The following ADK variants were observed in gnomAD, a reference collection of about 807,000 sequenced individuals.
The protein encoded by ADK is adenosine kinase.
Under a neutral mutation model 44.7 loss-of-function variants are expected in ADK, and 24 were observed. That is an observed-to-expected ratio of 0.54 (90% CI 0.39 to 0.76). The LOEUF is 0.76. Ranked by LOEUF, ADK falls within the 30% of genes least tolerant of loss-of-function variation. The pLI is 0.00. For synonymous variants in ADK, 128 were observed against 142.6 expected (o/e 0.90, Z 0.73); for missense variants, 321 against 425.1 (o/e 0.76, Z 2.15).
intron 6 of ADK, among the ~76,000 whole-genome samples, chr10:74,416,470 C>T (rs1254007508): frequency 7.9e-5 from 12 of 151,880 alleles, no homozygotes; most frequent in Admixed American, 2.6e-4. Context: ...TAGTTGAAGA[C>T]GTTCTGAAAG....
At chr10:74,404,456 G>C (rs1242877620) in intron 6 of ADK, among the ~76,000 whole-genome samples, 1 of 151,948 alleles carries the variant, frequency 6.6e-6, no homozygotes, top group Admixed American at 6.6e-5. Flanking sequence ...TCTTGTATTT[G>C]GATCTGTCAG....
In ADK at chr10:74,159,307, G is replaced by C. The variant is rs149361016; in HGVS notation, c.65+7964G>C. On this transcript the variant is annotated intron_variant, in intron 1 of 10. Coordinates refer to ENST00000539909, the MANE Select transcript of ADK (RefSeq NM_006721.4). Reference sequence around the variant, plus strand: ...ATTCTTGCCTTCTGTAGGCACAACAGTTTGGTTACTGTATTAACATGGTCT... The same window carrying C: ...ATTCTTGCCTTCTGTAGGCACAACACTTTGGTTACTGTATTAACATGGTCT... Among the ~76,000 whole-genome samples, 699 of 152,288 alleles carry C rather than the reference G, an allele frequency of 4.6e-3. 2 individuals are homozygous for C. The highest frequency in any genetic ancestry group is 0.02 in the Middle Eastern group (6 of 294).
At chr10:74,666,183 T>C (rs1854951598) in intron 9 of ADK, among the ~76,000 whole-genome samples, 1 of 152,218 alleles carries the variant, frequency 6.6e-6, no homozygotes, top group Non-Finnish European at 1.5e-5. Flanking sequence ...TCTAATTAGA[T>C]TGGCCTCTTA....
At chr10:74,430,143 A>G (rs1844932248) in intron 6 of ADK, among the ~76,000 whole-genome samples, 1 of 152,168 alleles carries the variant, frequency 6.6e-6, no homozygotes, top group South Asian at 2.1e-4. Flanking sequence ...CTTGTGTCCA[A>G]GCTTTTTTTA....
intron 9 of ADK, among the ~76,000 whole-genome samples, chr10:74,663,571 A>G (rs1854832145): frequency 6.6e-6 from 1 of 152,226 alleles, no homozygotes; most frequent in African/African-American, 2.4e-5. Context: ...ATTGATGTTC[A>G]GAATAATGAC....
chr10:74,501,231 TA>T (rs1342093229), intron 6 of ADK, among the ~76,000 whole-genome samples: 10 of 152,220 alleles, frequency 6.6e-5, no homozygotes, highest in Non-Finnish European at 1.3e-4. Context: ...TCTGTTAAGT[TA>T]AAACAGTTAA....
chr10:74,225,475 G>A (rs190507281), intron 3 of ADK, among the ~76,000 whole-genome samples: 92 of 152,012 alleles, frequency 6.1e-4, no homozygotes, highest in African/African-American at 2.0e-3. Flanking sequence ...ATTTTTTTTC[G>A]TAGAGGACTT....
intron 7 of ADK, among the ~76,000 whole-genome samples, chr10:74,584,438 A>G (rs770769885): frequency 6.6e-6 from 1 of 152,128 alleles, no homozygotes; most frequent in African/African-American, 2.4e-5. Context: ...AGGCCTTTTG[A>G]TTCTAGACCC....
At chr10:74,563,634 AT>A (rs1159940737) in intron 7 of ADK, among the ~76,000 whole-genome samples, 1 of 152,222 alleles carries the variant, frequency 6.6e-6, no homozygotes, top group East Asian at 1.9e-4. Flanking sequence ...CAAAATCAGC[AT>A]TTTTAAATGA....
At chr10:74,337,158 T>A (rs1231260326) in intron 4 of ADK, among the ~76,000 whole-genome samples, 1 of 152,202 alleles carries the variant, frequency 6.6e-6, no homozygotes, top group Non-Finnish European at 1.5e-5. Flanking sequence ...TTTGGAGACG[T>A]ATGTAACAGG....
chr10:74,406,015 T>C (rs1843909640), intron 6 of ADK, among the ~76,000 whole-genome samples: 1 of 152,192 alleles, frequency 6.6e-6, no homozygotes, highest in Admixed American at 6.5e-5. Flanking sequence ...ATTCCCAGAC[T>C]CTCAGTTGTA....
intron 4 of ADK, among the ~76,000 whole-genome samples, chr10:74,381,212 C>A (rs1286470199): frequency 6.6e-6 from 1 of 152,134 alleles, no homozygotes; most frequent in African/African-American, 2.4e-5. Context: ...AACTTAAAAT[C>A]ATAGCCAAAA....
intron 4 of ADK, among the ~76,000 whole-genome samples, chr10:74,377,046 A>G (rs1026884251): frequency 6.6e-6 from 1 of 152,142 alleles, no homozygotes; most frequent in Non-Finnish European, 1.5e-5. Flanking sequence ...AGATTAATCA[A>G]TATGTTCAGG....
chr10:74,375,908 T>C (rs1277635565), intron 4 of ADK, among the ~76,000 whole-genome samples: 3 of 152,132 alleles, frequency 2.0e-5, no homozygotes, highest in Non-Finnish European at 4.4e-5. Flanking sequence ...GGGGTTTTTG[T>C]TGTTGCTGCT....
chr10:74,267,754 T>TGTGTGTG (rs1846265534), intron 3 of ADK, among the ~76,000 whole-genome samples: 21 of 132,734 alleles, frequency 1.6e-4, no homozygotes, highest in African/African-American at 6.0e-4. Flanking sequence ...ATATCCTTAT[T>TGTGTGTG]TGTGTGTGTG....
At chr10:74,655,271 C>A (rs7901055) in intron 9 of ADK, 63,627 of 460,232 alleles carry the variant, frequency 0.14, 5,292 homozygotes, top group African/African-American at 0.24. Context: ...TCCAGTCTCA[C>A]TCCATCTTTG....
chr10:74,671,772 TA>T (rs1454158613), intron 10 of ADK, among the ~76,000 whole-genome samples: 1 of 152,222 alleles, frequency 6.6e-6, no homozygotes, highest in Non-Finnish European at 1.5e-5. Flanking sequence ...TTAAGTACTT[TA>T]AAATCTTTAA....
chr10:74,164,680 T>C (rs1408981366), intron 1 of ADK, among the ~76,000 whole-genome samples: 6 of 152,182 alleles, frequency 3.9e-5, no homozygotes, highest in Admixed American at 2.6e-4. Flanking sequence ...TTTCTAGACT[T>C]ATACTCGTAG....
intron 1 of ADK, among the ~76,000 whole-genome samples, chr10:74,199,407 G>C (rs1188653255): frequency 6.6e-6 from 1 of 152,146 alleles, no homozygotes; most frequent in Non-Finnish European, 1.5e-5. Context: ...TGCGTACCCA[G>C]TGTTTAGCTT....
Sources: allele counts gnomAD v4.1 joint callset (sites outside exome capture counted in the v4.1 genomes callset), GRCh38; gene constraint gnomAD v4.1.1; transcripts MANE v1.5; gene names NCBI Gene and HGNC (gene_info 2026-07-23, HGNC 2026-07-21).